Variants in FABP7 observed in about 807,000 individuals in gnomAD.
FABP7 encodes the protein fatty acid binding protein 7, also known as fatty acid-binding protein, brain.
FABP7 carries 13 observed loss-of-function variants against 14.2 expected under a neutral mutation model. The observed-to-expected ratio is 0.91, with a 90% CI of 0.59 to 1.45. FABP7 has a LOEUF of 1.45. Ranked by LOEUF, FABP7 falls within the 40% of genes most tolerant of loss-of-function variation. FABP7 has a pLI of 0.00. For missense variants in FABP7, 149 were observed against 157.6 expected (o/e 0.95, Z 0.29); for synonymous variants, 49 against 51.4 (o/e 0.95, Z 0.20).
chr6:122,769,146 C>T, the FABP7 span, among the ~76,000 whole-genome samples: 1 of 152,058 alleles, frequency 6.6e-6, no homozygotes, highest in Non-Finnish European at 1.5e-5. Context: ...CCATTGGTAG[C>T]AGCAGCAGGA....
At chr6:122,783,451 A>G (rs940092500) in intron 3 of FABP7, 1 of 985,346 alleles carries the variant, frequency 1.0e-6, no homozygotes, top group African/African-American at 1.7e-5. Context: ...GATCTGCTCA[A>G]TTACCCTGAT....
At chr6:122,757,148 A>T in the FABP7 span, among the ~76,000 whole-genome samples, 3 of 152,324 alleles carry the variant, frequency 2.0e-5, no homozygotes, top group East Asian at 5.8e-4. Flanking sequence ...TATATTCAAA[A>T]GTCTACCGTC....
the FABP7 span, among the ~76,000 whole-genome samples, chr6:122,770,320 AT>A: frequency 2.0e-5 from 3 of 152,190 alleles, no homozygotes; most frequent in African/African-American, 4.8e-5. Context: ...GGTTTAGCAT[AT>A]TTCATCTTTA....
At chr6:122,778,665 CTACTT>C (rs1374456851), upstream of FABP7, among the ~76,000 whole-genome samples, 35 of 152,236 alleles carry the variant, frequency 2.3e-4, no homozygotes, top group African/African-American at 8.2e-4. Flanking sequence ...TTTAAATACT[CTACTT>C]AGAACCCTCA....
the FABP7 span, among the ~76,000 whole-genome samples, chr6:122,751,420 T>C: frequency 1.3e-5 from 2 of 152,326 alleles, no homozygotes; most frequent in African/African-American, 4.8e-5. Flanking sequence ...GTACTGTGGG[T>C]GCATCTTGTC....
chr6:122,769,412 A>G, the FABP7 span, among the ~76,000 whole-genome samples: 1 of 152,182 alleles, frequency 6.6e-6, no homozygotes. Flanking sequence ...ATAAAATTAA[A>G]TCCTATTGTA....
At chr6:122,774,314 A>G in the FABP7 span, among the ~76,000 whole-genome samples, 78 of 133,786 alleles carry the variant, frequency 5.8e-4, no homozygotes, top group African/African-American at 2.1e-3. Context: ...GTGAGCCCAG[A>G]TCAGGCCACT....
the FABP7 span, among the ~76,000 whole-genome samples, chr6:122,767,222 A>G: frequency 6.0e-4 from 91 of 152,226 alleles, no homozygotes; most frequent in African/African-American, 2.1e-3. Flanking sequence ...GTAAAAACAT[A>G]ATTTTTTATG....
chr6:122,774,576 A>C, the FABP7 span, among the ~76,000 whole-genome samples: 71 of 152,192 alleles, frequency 4.7e-4, no homozygotes, highest in African/African-American at 1.6e-3. Flanking sequence ...ATAATGTAAA[A>C]TAAGTCAAAA....
the FABP7 span, among the ~76,000 whole-genome samples, chr6:122,774,002 T>A: frequency 1.3e-5 from 2 of 152,170 alleles, no homozygotes; most frequent in African/African-American, 4.8e-5. Flanking sequence ...CTTTCCCTTA[T>A]GAGACTGTAG....
At chr6:122,768,604 G>T in the FABP7 span, among the ~76,000 whole-genome samples, 1 of 152,092 alleles carries the variant, frequency 6.6e-6, no homozygotes, top group African/African-American at 2.4e-5. Context: ...TTCGAAAGGA[G>T]GATTCACATG....
In FABP7 at chr6:122,779,860, G is replaced by A. The variant is rs1360349933; in HGVS notation, c.66G>A (p.Lys22=). 3 of 1,613,846 alleles carry A rather than the reference G, an allele frequency of 1.9e-6. No individual in the cohort carries two copies. Among genetic ancestry groups the A allele is most frequent in the East Asian group, 4.5e-5 (2 of 44,876 alleles). Residue 22 remains lysine, a synonymous_variant, in exon 1 of 4, where the codon AAG becomes AAA. Coordinates refer to ENST00000368444, the MANE Select transcript of FABP7 (RefSeq NM_001446.5). ...TNSQNFDEYM[K]ALGVGFATRQ... Reference sequence around the variant, plus strand: ...GTCAGAACTTTGATGAGTACATGAAGGCTCTAGGTAGGTAACAATAAGACC... The same window carrying A: ...GTCAGAACTTTGATGAGTACATGAAAGCTCTAGGTAGGTAACAATAAGACC...
chr6:122,765,181 G>A, the FABP7 span, among the ~76,000 whole-genome samples: 1 of 151,992 alleles, frequency 6.6e-6, no homozygotes, highest in Non-Finnish European at 1.5e-5. Context: ...AAGACTATGG[G>A]CAATCATACT....
chr6:122,759,046 G>A, the FABP7 span, among the ~76,000 whole-genome samples: 5 of 152,152 alleles, frequency 3.3e-5, no homozygotes, highest in African/African-American at 2.4e-5. Context: ...CTCTTCTTGA[G>A]TTTTTCCTTT....
At chr6:122,773,726 T>C in the FABP7 span, among the ~76,000 whole-genome samples, 7 of 152,232 alleles carry the variant, frequency 4.6e-5, no homozygotes, top group Non-Finnish European at 1.0e-4. Context: ...TTGGTTAACT[T>C]ACTTTGCTCA....
At chr6:122,781,332 C>T in intron 3 of FABP7, 138 bp downstream of exon 3, 1 of 1,539,892 alleles carries the variant, frequency 6.5e-7, no homozygotes, top group South Asian at 1.2e-5. Context: ...TGGCAAGGTT[C>T]TTTAACTATA....
chr6:122,762,756 CAGAG>C, the FABP7 span, among the ~76,000 whole-genome samples: 2 of 152,148 alleles, frequency 1.3e-5, no homozygotes, highest in Non-Finnish European at 1.5e-5. Context: ...AACAGACAAA[CAGAG>C]AGCCAAATCA....
chr6:122,756,054 G>T, the FABP7 span, among the ~76,000 whole-genome samples: 1 of 152,144 alleles, frequency 6.6e-6, no homozygotes, highest in Non-Finnish European at 1.5e-5. Context: ...CTCCTCCGGG[G>T]ATAGAGCAGT....
chr6:122,764,180 C>T, the FABP7 span, among the ~76,000 whole-genome samples: 18 of 152,178 alleles, frequency 1.2e-4, 1 homozygote, highest in Admixed American at 1.0e-3. Flanking sequence ...AGATGTGGCA[C>T]GTATACACCA....
Sources: gnomAD v4.1 joint callset for allele counts (sites outside exome capture counted in the v4.1 genomes callset) on GRCh38, gnomAD v4.1.1 for gene constraint, MANE v1.5 for transcripts, NCBI Gene and HGNC (gene_info 2026-07-23, HGNC 2026-07-21) for gene names.